LHX8: variants seen among roughly 807,000 people sequenced by gnomAD.
The protein encoded by LHX8 is LIM homeobox 8.
A neutral mutation model predicts 40.3 loss-of-function variants in LHX8; 12 were observed. The ratio of observed to expected loss-of-function variants is 0.30; its 90% CI spans 0.19 to 0.48. The LOEUF is 0.48. Ranked by LOEUF, LHX8 falls within the 20% of genes least tolerant of loss-of-function variation. LHX8 has a pLI of 0.99. For missense variants in LHX8, 344 were observed against 433.7 expected (o/e 0.79, Z 1.84); for synonymous variants, 179 against 162.0 (o/e 1.10, Z -0.80).
intron 7 of LHX8, among the ~76,000 whole-genome samples, chr1:75,152,436 G>T (rs769012191): frequency 1.3e-5 from 2 of 152,150 alleles, no homozygotes; most frequent in African/African-American, 4.8e-5. Context: ...TTTATGTTGT[G>T]CAGAGACAGA....
chr1:75,177,130 TGGC>T, the LHX8 span, among the ~76,000 whole-genome samples: 5 of 152,336 alleles, frequency 3.3e-5, no homozygotes, highest in South Asian at 6.2e-4. Flanking sequence ...TTTGTTCTTT[TGGC>T]TTAGGATTGT....
the LHX8 span, among the ~76,000 whole-genome samples, chr1:75,197,640 TG>T: frequency 6.6e-6 from 1 of 152,198 alleles, no homozygotes. Flanking sequence ...CTTTTAAACA[TG>T]GTTTTTTCTT....
At chr1:75,160,735 A>T (rs2462955) in intron 8 of LHX8, 84 bp from the exon 9 acceptor site, 861,854 of 912,076 alleles carry the variant, frequency 0.94, 407,465 homozygotes, top group East Asian at 0.98. Flanking sequence ...GATGAAAACA[A>T]TGCCTTGGAT....
In LHX8 at chr1:75,154,260, T is replaced by C. The variant is rs536925328; in HGVS notation, c.781-2633T>C. On this transcript the variant is annotated intron_variant, in intron 7 of 8. Transcript: ENST00000356261. ...TATTTTGCTCTACCAGTTAGTTACA[T>C]GATACTTTGTTTTTGCAAACCTCCT... 2.0e-5 allele frequency among the ~76,000 whole-genome samples: 3 copies of C among 152,234 alleles called. No individual in the cohort carries two copies. In the East Asian group the frequency reaches 5.8e-4, roughly 30 times the overall value.
chr1:75,137,439 A>G (rs1176131992), intron 3 of LHX8, among the ~76,000 whole-genome samples, 178 bp downstream of exon 3: 1 of 152,156 alleles, frequency 6.6e-6, no homozygotes, highest in East Asian at 1.9e-4. Flanking sequence ...AAGTGAGAAG[A>G]AATCCCAGAC....
At chr1:75,173,933 C>T in the LHX8 span, among the ~76,000 whole-genome samples, 4 of 151,978 alleles carry the variant, frequency 2.6e-5, no homozygotes, top group Non-Finnish European at 5.9e-5. Context: ...CCAAAATGCT[C>T]CAAAATCCGA....
chr1:75,130,572 C>G, upstream of LHX8: 1 of 815,416 alleles, frequency 1.2e-6, no homozygotes, highest in Non-Finnish European at 2.2e-6. Flanking sequence ...GGCCCTCGCC[C>G]GCTTTTGGCG....
the LHX8 span, among the ~76,000 whole-genome samples, chr1:75,190,047 A>T: frequency 6.6e-6 from 1 of 152,220 alleles, no homozygotes; most frequent in Non-Finnish European, 1.5e-5. Context: ...CAGACTTATA[A>T]ATATATTATT....
At chr1:75,183,967 G>C in the LHX8 span, among the ~76,000 whole-genome samples, 1 of 151,928 alleles carries the variant, frequency 6.6e-6, no homozygotes, top group South Asian at 2.1e-4. Context: ...ATAAAAGCCA[G>C]ATTTGCAATC....
At chr1:75,187,671 A>G in the LHX8 span, among the ~76,000 whole-genome samples, 1 of 152,080 alleles carries the variant, frequency 6.6e-6, no homozygotes, top group Admixed American at 6.6e-5. Flanking sequence ...TTACCAGTGG[A>G]GTGGAGAAGA....
the LHX8 span, among the ~76,000 whole-genome samples, chr1:75,187,240 A>T: frequency 6.6e-6 from 1 of 152,136 alleles, no homozygotes; most frequent in Admixed American, 6.5e-5. Flanking sequence ...AAATTGCAAA[A>T]CTTGGCCCCA....
chr1:75,135,275 G>T (rs1022788953), intron 1 of LHX8, among the ~76,000 whole-genome samples: 1 of 152,264 alleles, frequency 6.6e-6, no homozygotes, highest in African/African-American at 2.4e-5. Context: ...GGACCTGTGG[G>T]TATTTGGTGT....
chr1:75,177,727 G>A, the LHX8 span, among the ~76,000 whole-genome samples: 2 of 152,192 alleles, frequency 1.3e-5, no homozygotes, highest in Admixed American at 1.3e-4. Flanking sequence ...TAGGAGTGGT[G>A]AGAGAGGGCA....
chr1:75,161,484 C>A lies in LHX8; in HGVS notation c.*589C>A, dbSNP rs1648917219. On this transcript the variant is annotated 3_prime_UTR_variant, in exon 9 of 9. Transcript: ENST00000356261. The stretch of plus-strand genomic sequence containing the variant: ...GTAAATAACACTATAGTTTAATAAG[C>A]CCACCATTCTGAGTTTATTAAACAT... 1 of 152,706 alleles carries A rather than the reference C, an allele frequency of 6.5e-6. No homozygotes were observed. The highest frequency in any genetic ancestry group is 1.5e-5 in the Non-Finnish European group (1 of 68,206). The allele number at this position is 152,706 out of a possible 1,614,324, so 9.5% of individuals were successfully genotyped here. A position where few individuals can be genotyped will look rare whatever the true frequency, so the allele number is the denominator to read the frequency against.
chr1:75,136,371 G>A (rs1437804195), intron 1 of LHX8, among the ~76,000 whole-genome samples: 2 of 151,880 alleles, frequency 1.3e-5, no homozygotes, highest in South Asian at 2.1e-4. Flanking sequence ...CGGAGCCCGG[G>A]GAGCGCGGGA....
the LHX8 span, among the ~76,000 whole-genome samples, chr1:75,178,309 T>C: frequency 2.6e-5 from 4 of 152,170 alleles, no homozygotes; most frequent in Non-Finnish European, 4.4e-5. Flanking sequence ...GTCCTGGACT[T>C]TTTTTGTTGG....
chr1:75,185,615 T>C, the LHX8 span, among the ~76,000 whole-genome samples: 1 of 152,266 alleles, frequency 6.6e-6, no homozygotes, highest in African/African-American at 2.4e-5. Context: ...GCTGGAAGTA[T>C]TCCTCTTGAA....
At position 75,143,252 on chromosome 1, in the gene LHX8, A is replaced by G; in HGVS notation, c.494A>G (p.Glu165Gly). The stretch of plus-strand genomic sequence containing the variant: ...TGCAAAAGGCAACTTTCCACAGGAG[A>G]GGAGTTTGCTTTGGTGGAAGAGAAA... The part of the protein sequence containing the change: ...FSCKRQLSTG[E>G]EFALVEEKVL... Residue 165 changes from glutamate to glycine, a missense_variant, in exon 5 of 9, where the codon GAG (glutamate) becomes GGG (glycine). Physicochemically the swap from Glu to Gly is moderately conservative, Grantham distance 98. Transcript: ENST00000356261. 1 of 1,613,790 alleles carries G rather than the reference A, an allele frequency of 6.2e-7. No homozygotes were observed. The highest frequency in any genetic ancestry group is 1.3e-5 in the African/African-American group (1 of 74,994).
intron 1 of LHX8, among the ~76,000 whole-genome samples, chr1:75,136,097 C>G (rs549496364): frequency 6.6e-6 from 1 of 152,254 alleles, no homozygotes; most frequent in Non-Finnish European, 1.5e-5. Flanking sequence ...CAAAAAGCCC[C>G]CTTTTTAAAA....
Sources: gnomAD v4.1 joint callset for allele counts (sites outside exome capture counted in the v4.1 genomes callset) on GRCh38, gnomAD v4.1.1 for gene constraint, MANE v1.5 for transcripts, NCBI Gene and HGNC (gene_info 2026-07-23, HGNC 2026-07-21) for gene names.